The following FUT8 variants were observed in gnomAD, a reference collection of about 807,000 sequenced individuals.
FUT8 encodes the protein fucosyltransferase 8, also known as alpha-(1,6)-fucosyltransferase.
Under a neutral mutation model 71.3 loss-of-function variants are expected in FUT8, and 29 were observed. The ratio of observed to expected loss-of-function variants is 0.41; its 90% CI spans 0.30 to 0.55. The LOEUF (loss-of-function observed/expected upper bound fraction) is 0.55. FUT8 is among the 20% of genes least tolerant of loss of function. The probability of loss-of-function intolerance (pLI) is 0.34; values close to 1 mark genes in which losing one functional copy is unlikely to be tolerated. For synonymous variants in FUT8, 254 were observed against 239.3 expected, an observed-to-expected ratio of 1.06 and a Z score of -0.57; for missense variants, 544 against 702.1, an observed-to-expected ratio of 0.77 and a Z score of 2.55.
At chr14:65,645,005 C>T (rs1018662562) in intron 6 of FUT8, among the ~76,000 whole-genome samples, 2 of 152,086 alleles carry the variant, frequency 1.3e-5, no homozygotes, top group Non-Finnish European at 2.9e-5. Context: ...AGAAAAACAG[C>T]TAAATATACT....
Position 65,627,518 on chromosome 14 carries a change from G to T in FUT8, c.483-1974G>T, listed in dbSNP as rs957935286. Among the ~76,000 whole-genome samples the T allele has an allele frequency of 3.9e-5, 6 of 152,228 alleles. No individual in the cohort carries two copies. The highest frequency in any genetic ancestry group is 7.3e-5 in the Non-Finnish European group (5 of 68,042). ...GACTTGGGCCTGTATATATTGCTAT[G>T]GTTCCGGGGTTTGCATTTCTTCTTA... On this transcript the variant is annotated intron_variant, in intron 5 of 10. Coordinates refer to ENST00000673929, the MANE Select transcript of FUT8 (RefSeq NM_001371533.1). The surrounding 1 kb of genome is among the most constrained non-coding windows in gnomAD (Gnocchi z 4.0).
chr14:65,414,896 C>T (rs2065196251), intron 1 of FUT8, among the ~76,000 whole-genome samples: 1 of 152,028 alleles, frequency 6.6e-6, no homozygotes, highest in Non-Finnish European at 1.5e-5. Context: ...CCATAAAGTA[C>T]GGCCTTATAT....
At chr14:65,508,886 T>G (rs1446550339) in intron 2 of FUT8, among the ~76,000 whole-genome samples, 1 of 152,166 alleles carries the variant, frequency 6.6e-6, no homozygotes, top group African/African-American at 2.4e-5. Context: ...GTTGTTTGTT[T>G]GTTGCTTGTT....
At chr14:65,701,668 C>T (rs1257161550) in intron 7 of FUT8, among the ~76,000 whole-genome samples, 2 of 152,122 alleles carry the variant, frequency 1.3e-5, no homozygotes, top group Admixed American at 6.5e-5. Flanking sequence ...CCCAAAATGA[C>T]AATTTATGAA....
intron 7 of FUT8, among the ~76,000 whole-genome samples, chr14:65,718,806 T>C (rs935894123): frequency 3.3e-5 from 5 of 152,344 alleles, no homozygotes; most frequent in Admixed American, 2.0e-4. Context: ...TGGCCTGTAA[T>C]GTTTCCACTG....
chr14:65,537,186 G>C (rs2139941126), intron 2 of FUT8, among the ~76,000 whole-genome samples: 1 of 151,388 alleles, frequency 6.6e-6, no homozygotes, highest in African/African-American at 2.4e-5. Flanking sequence ...GCTTAGATTG[G>C]CTTTTAGTGT....
chr14:65,713,223 C>G (rs1894890997), intron 7 of FUT8, among the ~76,000 whole-genome samples: 1 of 152,198 alleles, frequency 6.6e-6, no homozygotes, highest in Non-Finnish European at 1.5e-5. Context: ...CATGTTGTTG[C>G]AAATGACAGG....
chr14:65,575,972 G>A (rs1391655445), intron 3 of FUT8, among the ~76,000 whole-genome samples: 1 of 152,072 alleles, frequency 6.6e-6, no homozygotes, highest in Non-Finnish European at 1.5e-5. Flanking sequence ...AAATACAAAT[G>A]GAATTAGTCA....
At chr14:65,554,055 A>G (rs1055452787) in intron 2 of FUT8, among the ~76,000 whole-genome samples, 6 of 152,058 alleles carry the variant, frequency 3.9e-5, no homozygotes, top group African/African-American at 1.4e-4. Flanking sequence ...ATCATTGGAT[A>G]TTATACTACA....
chr14:65,602,353 A>T (rs879596724), intron 3 of FUT8, among the ~76,000 whole-genome samples: 1,480 of 29,940 alleles, frequency 0.049, 73 homozygotes, highest in Non-Finnish European at 0.094. Flanking sequence ...TCACACACAC[A>T]CACACACACA....
chr14:65,612,457 C>T (rs1052298703), intron 3 of FUT8, among the ~76,000 whole-genome samples: 1 of 152,212 alleles, frequency 6.6e-6, no homozygotes, highest in Non-Finnish European at 1.5e-5. Context: ...GTACTACTTC[C>T]TCTAATCCTT....
chr14:65,575,924 A>T (rs73286127), intron 3 of FUT8, among the ~76,000 whole-genome samples: 1 of 152,114 alleles, frequency 6.6e-6, no homozygotes, highest in African/African-American at 2.4e-5. Context: ...GATATTTTTG[A>T]TGAATACTTT....
rs1352956917 is a variant in FUT8 at position 65,615,608 on chromosome 14, CCTTTT to C, written c.204-365_204-361del. Among the ~76,000 whole-genome samples, 7 of 152,100 alleles carry C rather than the reference CCTTTT, an allele frequency of 4.6e-5. No homozygotes were observed. The South Asian group carries it at 1.4e-3, about 31-fold the overall frequency. ...GATATGCTTCGTTATTCCCTTTAAG[CCTTTT>C]CTTTACTTTTTCCTTCACTTTTGTT... On this transcript the variant is annotated intron_variant, in intron 3 of 10. Coordinates refer to ENST00000673929, the MANE Select transcript of FUT8 (RefSeq NM_001371533.1).
At chr14:65,693,308 C>A (rs1447070230) in intron 7 of FUT8, among the ~76,000 whole-genome samples, 1 of 152,242 alleles carries the variant, frequency 6.6e-6, no homozygotes, top group Non-Finnish European at 1.5e-5. Context: ...AGCTGGAGAC[C>A]AGCCCAGCCA....
At chr14:65,379,404 A>G in the FUT8 span, among the ~76,000 whole-genome samples, 1 of 151,930 alleles carries the variant, frequency 6.6e-6, no homozygotes, top group Non-Finnish European at 1.5e-5. Context: ...GGTGGTGCAC[A>G]CCGTGGTCCC....
Position 65,742,026 on chromosome 14 carries a change from G to A in FUT8, c.1411-67G>A, listed in dbSNP as rs567736278. 161 of 1,372,880 alleles carry A rather than the reference G, an allele frequency of 1.2e-4. No homozygotes were observed. In the African/African-American group the frequency reaches 2.2e-3, roughly 18 times the overall value. 85.0% of individuals were successfully genotyped at this position (1,372,880 alleles called of 1,614,324 possible). A position where few individuals can be genotyped will look rare whatever the true frequency, so the allele number is the denominator to read the frequency against. On this transcript the variant is annotated intron_variant, in intron 10 of 10. Coordinates refer to ENST00000673929, the MANE Select transcript of FUT8 (RefSeq NM_001371533.1). ...TCCTAGAGCCCATCCTTTTGGCCAA[G>A]GGCTTTTAGATTGCTGTGAAGGAGA... is the stretch of plus-strand genomic sequence containing the variant.
upstream of FUT8, chr14:65,410,557 A>G (rs1219267198): frequency 6.6e-6 from 1 of 151,256 alleles, no homozygotes; most frequent in Non-Finnish European, 1.5e-5. Context: ...AATCCTGGGC[A>G]AAACATTCCT....
intron 2 of FUT8, among the ~76,000 whole-genome samples, chr14:65,493,691 A>G (rs2066517435): frequency 6.6e-6 from 1 of 152,084 alleles, no homozygotes; most frequent in African/African-American, 2.4e-5. Context: ...TGCCCAGCAA[A>G]AGGTAGAGTT....
chr14:65,636,460 T>A (rs1039285463), intron 6 of FUT8: 5 of 152,194 alleles, frequency 3.3e-5, no homozygotes, highest in Admixed American at 3.3e-4. Flanking sequence ...ACTCTTTCAG[T>A]CTTTGTGATG....
Sources: gnomAD v4.1 joint callset for allele counts (sites outside exome capture counted in the v4.1 genomes callset) on GRCh38, gnomAD v4.1.1 for gene constraint, Gnocchi (gnomAD v3.1) non-coding constraint, MANE v1.5 for transcripts, NCBI Gene and HGNC (gene_info 2026-07-23, HGNC 2026-07-21) for gene names.